KCNJ6: variants seen among roughly 807,000 people sequenced by gnomAD.
KCNJ6 encodes the protein G protein-activated inward rectifier potassium channel 2.
KCNJ6 carries 9 observed loss-of-function variants against 34.2 expected under a neutral mutation model. The ratio of observed to expected loss-of-function variants is 0.26; its 90% confidence interval spans 0.16 to 0.46. KCNJ6 has a LOEUF of 0.46. Among genes scored for constraint, KCNJ6 ranks in the 20% least tolerant of loss-of-function variants. The pLI, the probability that KCNJ6 is intolerant of heterozygous loss-of-function variation, is 1.00. For missense variants in KCNJ6, 236 were observed against 531.3 expected (o/e 0.44, Z 5.46); for synonymous variants, 196 against 207.1 (o/e 0.95, Z 0.46).
At chr21:37,838,107 G>T (rs1031108847) in intron 2 of KCNJ6, among the ~76,000 whole-genome samples, 9 of 152,110 alleles carry the variant, frequency 5.9e-5, no homozygotes, top group African/African-American at 9.7e-5. Context: ...TAATGACAGA[G>T]CACATTAGAA....
intron 3 of KCNJ6, among the ~76,000 whole-genome samples, chr21:37,637,030 T>C (rs1317077541): frequency 6.6e-6 from 1 of 152,206 alleles, no homozygotes; most frequent in South Asian, 2.1e-4. Context: ...CCAGGCTACA[T>C]AGATGATGTT....
intron 3 of KCNJ6, among the ~76,000 whole-genome samples, chr21:37,692,770 C>A (rs1054237051): frequency 2.0e-5 from 3 of 152,172 alleles, no homozygotes; most frequent in African/African-American, 4.8e-5. Context: ...CCATTGATAA[C>A]CACAAATTAC....
At chr21:37,720,109 G>A (rs1339456263) in intron 2 of KCNJ6, among the ~76,000 whole-genome samples, 1 of 150,786 alleles carries the variant, frequency 6.6e-6, no homozygotes, top group African/African-American at 2.4e-5. Flanking sequence ...GGGTGGGGGG[G>A]TTCATGAGTA....
chr21:37,854,542 T>C (rs1035407965), intron 1 of KCNJ6, among the ~76,000 whole-genome samples: 2 of 152,082 alleles, frequency 1.3e-5, no homozygotes, highest in Admixed American at 6.5e-5. Context: ...AAAAATACAT[T>C]TAGATAGAAA....
chr21:37,704,467 C>T (rs919985815), intron 3 of KCNJ6, among the ~76,000 whole-genome samples: 1 of 152,192 alleles, frequency 6.6e-6, no homozygotes, highest in African/African-American at 2.4e-5. Context: ...GTCTAGCCAT[C>T]TCAGCTATCC....
chr21:37,633,701 A>G (rs751261676), intron 3 of KCNJ6, among the ~76,000 whole-genome samples: 3 of 150,930 alleles, frequency 2.0e-5, no homozygotes, highest in African/African-American at 4.9e-5. Flanking sequence ...ACCCTTCACC[A>G]TTTCCTCTAG....
chr21:37,829,273 G>A (rs1333739321), intron 2 of KCNJ6, among the ~76,000 whole-genome samples: 4 of 152,192 alleles, frequency 2.6e-5, no homozygotes, highest in African/African-American at 4.8e-5. Context: ...GTGGCAGTTG[G>A]TGGGAGGCGG....
At position 37,621,737 on chromosome 21, in the gene KCNJ6, T is replaced by TG. The variant is rs1332984635; in HGVS notation, c.*3421dup. The TG allele has an allele frequency of 5.9e-5, 9 of 151,980 alleles. No homozygotes were observed. The allele number at this position is 151,980 out of a possible 1,614,324, so 9.4% of individuals were successfully genotyped here. ...GGAGAACCAGGGAAACAGCAAAGGATGGGGATAGATGGAAGAACGGAGTGG... is the reference window on the plus strand; with the variant it reads ...GGAGAACCAGGGAAACAGCAAAGGATGGGGGATAGATGGAAGAACGGAGTGG... On this transcript the variant is annotated 3_prime_UTR_variant, in exon 4 of 4. Transcript: ENST00000609713.
chr21:37,848,251 C>A (rs2055519944), intron 1 of KCNJ6, among the ~76,000 whole-genome samples: 1 of 152,078 alleles, frequency 6.6e-6, no homozygotes, highest in South Asian at 2.1e-4. Context: ...TCCTGTGAGC[C>A]CGGGGACTAG....
intron 3 of KCNJ6, among the ~76,000 whole-genome samples, chr21:37,642,093 C>G (rs535909754): frequency 1.2e-4 from 19 of 152,284 alleles, no homozygotes; most frequent in African/African-American, 4.3e-4. Flanking sequence ...GGCTTTGACA[C>G]ATGCAAGAAT....
intron 1 of KCNJ6, among the ~76,000 whole-genome samples, chr21:37,910,199 G>A (rs977087721): frequency 1.3e-5 from 2 of 152,116 alleles, no homozygotes; most frequent in Admixed American, 6.5e-5. Context: ...AGATGCTGGG[G>A]TTGCTGTTAC....
chr21:37,651,258 A>G (rs2835865), intron 3 of KCNJ6, among the ~76,000 whole-genome samples: 21,819 of 152,160 alleles, frequency 0.14, 2,400 homozygotes, highest in African/African-American at 0.3. Context: ...ACAGTCATAC[A>G]TGAGATAATG....
intron 1 of KCNJ6, among the ~76,000 whole-genome samples, chr21:37,883,680 A>T (rs2055721289): frequency 6.6e-6 from 1 of 152,160 alleles, no homozygotes; most frequent in Admixed American, 6.5e-5. Context: ...CTGAATCCTC[A>T]TTCTGTCACT....
chr21:37,622,431 C>G lies in KCNJ6; in HGVS notation c.*2728G>C, dbSNP rs2054292796. ...TAGAAAATCAGTCTCAATGAACTTT[C>G]AGTTCCAAATTTTAACAGTTGACAC... On this transcript the variant is annotated 3_prime_UTR_variant, in exon 4 of 4. Coordinates refer to ENST00000609713, the MANE Select transcript of KCNJ6 (RefSeq NM_002240.5). 1 of 152,182 alleles carries G rather than the reference C, an allele frequency of 6.6e-6. No individual in the cohort carries two copies. The highest frequency in any genetic ancestry group is 2.4e-5 in the African/African-American group (1 of 41,446). The allele number at this position is 152,182 out of a possible 1,614,324, so 9.4% of individuals were successfully genotyped here.
At chr21:37,777,804 C>T (rs2055149349) in intron 2 of KCNJ6, among the ~76,000 whole-genome samples, 1 of 152,186 alleles carries the variant, frequency 6.6e-6, no homozygotes, top group Non-Finnish European at 1.5e-5. Context: ...CCAGTGTTCC[C>T]AGTACCTGTT....
At chr21:37,785,080 G>A (rs1386231183) in intron 2 of KCNJ6, among the ~76,000 whole-genome samples, 1 of 152,108 alleles carries the variant, frequency 6.6e-6, no homozygotes, top group Non-Finnish European at 1.5e-5. Context: ...GCAGAGCCTC[G>A]GGAGCTGCAC....
chr21:37,913,226 T>C (rs2055875340), intron 1 of KCNJ6, among the ~76,000 whole-genome samples: 1 of 152,216 alleles, frequency 6.6e-6, no homozygotes, highest in South Asian at 2.1e-4. Flanking sequence ...TTGATGGACT[T>C]ACCTGTTTTC....
intron 2 of KCNJ6, among the ~76,000 whole-genome samples, chr21:37,721,550 A>G (rs1490303385): frequency 6.6e-6 from 1 of 152,246 alleles, no homozygotes; most frequent in Non-Finnish European, 1.5e-5. Flanking sequence ...CGCTAAACAA[A>G]ATGTGGTATG....
intron 2 of KCNJ6, among the ~76,000 whole-genome samples, chr21:37,737,065 C>A (rs992515371): frequency 6.6e-6 from 1 of 152,094 alleles, no homozygotes; most frequent in Non-Finnish European, 1.5e-5. Flanking sequence ...GTGTGATGTT[C>A]TTTTCCTGTG....
Sources: allele counts gnomAD v4.1 joint callset (sites outside exome capture counted in the v4.1 genomes callset), GRCh38; gene constraint gnomAD v4.1.1; transcripts MANE v1.5; gene names NCBI Gene and HGNC (gene_info 2026-07-23, HGNC 2026-07-21).